SRP68: variants seen among roughly 807,000 people sequenced by gnomAD.
The protein encoded by SRP68 is signal recognition particle 68.
Under a neutral mutation model 82.2 loss-of-function variants are expected in SRP68, and 15 were observed. That is an observed-to-expected ratio of 0.18 (90% CI 0.12 to 0.28). The LOEUF is 0.28. Among genes scored for constraint, SRP68 ranks in the 10% least tolerant of loss-of-function variants. The probability of loss-of-function intolerance (pLI) is 1.00; values close to 1 mark genes in which losing one functional copy is unlikely to be tolerated. For missense variants in SRP68, 595 were observed against 780.5 expected (o/e 0.76, Z 2.83); for synonymous variants, 261 against 292.6 (o/e 0.89, Z 1.10).
chr17:76,044,548 T>C (rs1185419323), intron 12 of SRP68, among the ~76,000 whole-genome samples: 2 of 152,184 alleles, frequency 1.3e-5, no homozygotes, highest in African/African-American at 4.8e-5. Context: ...CCATCCTGGC[T>C]GGGCCCCATC....
intron 13 of SRP68, chr17:76,041,398 G>A (rs1567925031): frequency 6.4e-6 from 1 of 156,232 alleles, no homozygotes; most frequent in Non-Finnish European, 1.4e-5. Flanking sequence ...CTGGGGTAAA[G>A]GGCTGGGCCA....
At chr17:76,049,197 T>C (rs1348435814) in intron 9 of SRP68, 3 of 152,170 alleles carry the variant, frequency 2.0e-5, no homozygotes. Flanking sequence ...TGGTTAAGGT[T>C]TTATGTTTAA....
At chr17:76,040,534 A>G in intron 14 of SRP68, 60 bp from the exon 15 acceptor site, 1 of 1,542,450 alleles carries the variant, frequency 6.5e-7, no homozygotes, top group Non-Finnish European at 9.0e-7. Flanking sequence ...CTAATCACAA[A>G]TGAGGCCTAT....
intron 2 of SRP68, among the ~76,000 whole-genome samples, chr17:76,068,450 T>G (rs1356881776): frequency 7.1e-6 from 1 of 139,890 alleles, no homozygotes; most frequent in Non-Finnish European, 1.5e-5. Flanking sequence ...AGCAAGACTG[T>G]GTCTGAAAAA....
intron 9 of SRP68, 119 bp from the exon 10 acceptor site, chr17:76,048,089 C>A: frequency 2.1e-6 from 1 of 469,384 alleles, no homozygotes; most frequent in East Asian, 3.6e-5. Flanking sequence ...TCTAGTAAGA[C>A]AGGAGTCCTC....
intron 8 of SRP68, among the ~76,000 whole-genome samples, chr17:76,055,755 A>T (rs1303396855): frequency 8.8e-5 from 12 of 136,448 alleles, no homozygotes; most frequent in African/African-American, 3.3e-4. Context: ...CTCTGTCTTT[A>T]AAAAAAAAAA....
intron 8 of SRP68, among the ~76,000 whole-genome samples, chr17:76,057,111 G>A (rs1006019225): frequency 7.2e-5 from 11 of 152,176 alleles, no homozygotes; most frequent in Non-Finnish European, 1.3e-4. Context: ...TGCACCACCT[G>A]CTGGGCCAAA....
chr17:76,060,816 G>A (rs2066747451), intron 6 of SRP68: 1 of 376,054 alleles, frequency 2.7e-6, no homozygotes, highest in East Asian at 5.2e-5. Flanking sequence ...CAGCCTTGCT[G>A]TGAACCTAAA....
intron 6 of SRP68, chr17:76,060,786 G>C (rs2066747338): frequency 2.9e-6 from 1 of 345,582 alleles, no homozygotes; most frequent in African/African-American, 2.1e-5. Context: ...GGGGTTACAT[G>C]GATCTCTGTA....
In SRP68 at chr17:76,072,465, G is replaced by T. The variant is rs781014954; in HGVS notation, c.27C>A (p.Gly9=). Residue 9 remains glycine, a synonymous_variant, in exon 1 of 16, where the codon GGC becomes GGA. Coordinates refer to ENST00000307877, the MANE Select transcript of SRP68 (RefSeq NM_014230.4). This position sits in a 1 kb window ranked among gnomAD's most constrained non-coding sequence, Gnocchi z 4.5. ...CGCCACTGCCGCCGCCGCCGCCGCCGCCTGGGACCTGCTTCTCAGCAGCCA... is the reference window on the plus strand; with the variant it reads ...CGCCACTGCCGCCGCCGCCGCCGCCTCCTGGGACCTGCTTCTCAGCAGCCA... MAAEKQVP[G]GGGGGGSGGG... 1.9e-6 allele frequency: 3 copies of T among 1,578,618 alleles called. No individual in the cohort carries two copies. The highest frequency in any genetic ancestry group is 1.3e-5 in the African/African-American group (1 of 74,224).
intron 8 of SRP68, among the ~76,000 whole-genome samples, chr17:76,055,801 T>C (rs1341140334): frequency 3.5e-5 from 5 of 143,934 alleles, no homozygotes; most frequent in Non-Finnish European, 5.9e-5. Context: ...TTAACTTTTT[T>C]TTCTTCTTTT....
chr17:76,053,371 G>T, intron 8 of SRP68: 1 of 713,072 alleles, frequency 1.4e-6, no homozygotes, highest in Non-Finnish European at 1.7e-6. Context: ...CAACAAACAT[G>T]CCAACACCCT....
intron 7 of SRP68, among the ~76,000 whole-genome samples, 183 bp from the exon 8 acceptor site, chr17:76,057,726 G>A (rs958005188): frequency 2.6e-5 from 4 of 152,190 alleles, no homozygotes; most frequent in Non-Finnish European, 5.9e-5. Context: ...CCAGGCTGGA[G>A]TGCAGTGGCG....
At chr17:76,061,378 T>A (rs754549195) in intron 5 of SRP68, 114 bp downstream of exon 5, 15 of 1,036,114 alleles carry the variant, frequency 1.4e-5, no homozygotes, top group Non-Finnish European at 2.2e-5. Context: ...AACATTTCTA[T>A]AGGAAAGAAA....
intron 8 of SRP68, chr17:76,053,316 A>G: frequency 4.3e-6 from 1 of 231,908 alleles, no homozygotes; most frequent in Non-Finnish European, 7.1e-6. Flanking sequence ...CCACATTCTC[A>G]GCAGAAAGGA....
chr17:76,071,168 CT>C lies in SRP68; in HGVS notation c.185-725del, dbSNP rs2144537469. On this transcript the variant is annotated intron_variant, in intron 1 of 15. Coordinates refer to ENST00000307877, the MANE Select transcript of SRP68 (RefSeq NM_014230.4). This position sits in a 1 kb window ranked among gnomAD's most constrained non-coding sequence, Gnocchi z 4.7. ...AGGTTATAAATGACATGTACTAAGC[CT>C]CCATTTGCATAATCTCCAACACCTG... is the stretch of plus-strand genomic sequence containing the variant. 6.6e-6 allele frequency among the ~76,000 whole-genome samples: 1 copy of C among 152,284 alleles called. No individual in the cohort carries two copies. Among genetic ancestry groups the C allele is most frequent in the Non-Finnish European group, 1.5e-5 (1 of 68,030 alleles).
At chr17:76,058,510 C>G (rs2066728344) in intron 7 of SRP68, among the ~76,000 whole-genome samples, 1 of 152,134 alleles carries the variant, frequency 6.6e-6, no homozygotes, top group African/African-American at 2.4e-5. Context: ...CCTTTCACCT[C>G]AGCCTCCCAC....
chr17:76,063,690 A>C (rs1283043715), intron 4 of SRP68, among the ~76,000 whole-genome samples: 13 of 151,200 alleles, frequency 8.6e-5, no homozygotes, highest in Admixed American at 1.3e-4. Context: ...TCTGTCTGAA[A>C]AAAAAAAAAA....
In SRP68 at chr17:76,072,152, C is replaced by T; in HGVS notation, c.184+156G>A. 1.4e-6 allele frequency: 2 copies of T among 1,416,446 alleles called. No homozygotes were observed. Among genetic ancestry groups the T allele is most frequent in the Non-Finnish European group, 1.9e-6 (2 of 1,051,288 alleles). The allele number at this position is 1,416,446 out of a possible 1,614,324, so 87.7% of individuals were successfully genotyped here. A position where few individuals can be genotyped will look rare whatever the true frequency, so the allele number is the denominator to read the frequency against. ...GAAAGACTAGTCGAGAGACAGACCC[C>T]CCCCGGAATTCTGAGCACCAAAAGG... is the stretch of plus-strand genomic sequence containing the variant. On this transcript the variant is annotated intron_variant, in intron 1 of 15. Transcript: ENST00000307877. The surrounding 1 kb of genome is among the most constrained non-coding windows in gnomAD (Gnocchi z 4.5).
Sources: allele counts gnomAD v4.1 joint callset (sites outside exome capture counted in the v4.1 genomes callset), GRCh38; gene constraint gnomAD v4.1.1; non-coding constraint Gnocchi (gnomAD v3.1); transcripts MANE v1.5; gene names NCBI Gene and HGNC (gene_info 2026-07-23, HGNC 2026-07-21).